The following GPSM1 variants were observed in gnomAD, a reference collection of about 807,000 sequenced individuals.
GPSM1 encodes the protein G protein-signaling modulator 1.
In GPSM1, 48 loss-of-function variants were observed where a neutral mutation model predicts 70.5. The ratio of observed to expected loss-of-function variants is 0.68; its 90% CI spans 0.54 to 0.87. The LOEUF (loss-of-function observed/expected upper bound fraction) is 0.87, where lower values mean the gene tolerates loss of function less well. Among genes scored for constraint, GPSM1 ranks in the 40% least tolerant of loss-of-function variants. GPSM1 has a pLI of 0.00. For missense variants in GPSM1, 981 were observed against 972.6 expected, an observed-to-expected ratio of 1.01 and a Z score of -0.11; for synonymous variants, 416 against 430.1, an observed-to-expected ratio of 0.97 and a Z score of 0.41.
chr9:136,356,194 G>A (rs577162123), intron 12 of GPSM1, 148 bp from the exon 13 acceptor site: 348 of 668,602 alleles, frequency 5.2e-4, no homozygotes, highest in Middle Eastern at 2.1e-3. Context: ...TGCCTAGGCC[G>A]GTCAGCGGAG....
Position 136,343,609 on chromosome 9 carries a change from C to T in GPSM1, c.1207+2616C>T, listed in dbSNP as rs1832446731. Among the ~76,000 whole-genome samples the T allele has an allele frequency of 6.6e-6, 1 of 152,236 alleles. No individual in the cohort carries two copies. Among genetic ancestry groups the T allele is most frequent in the Admixed American group, 6.5e-5 (1 of 15,292 alleles). On this transcript the variant is annotated intron_variant, in intron 9 of 13. Coordinates refer to ENST00000440944, the MANE Select transcript of GPSM1 (RefSeq NM_001145638.3). The surrounding 1 kb of genome is among the most constrained non-coding windows in gnomAD (Gnocchi z 6.0). ...TCAGGGATGTGCATGGCATAACCTC[C>T]CCTGCAGTTTAGGCTGTGGGCTCCA...
chr9:136,351,190 GCCTACCTTCCCCTCATT>G (rs1466611050), intron 11 of GPSM1, among the ~76,000 whole-genome samples: 1 of 152,212 alleles, frequency 6.6e-6, no homozygotes, highest in African/African-American at 2.4e-5. Flanking sequence ...GCAGGGCACA[GCCTACCTTCCCCTCATT>G]CAGCCCCAGC....
chr9:136,332,719 G>A (rs1554768660), intron 1 of GPSM1, among the ~76,000 whole-genome samples: 1 of 152,060 alleles, frequency 6.6e-6, no homozygotes, highest in Admixed American at 6.5e-5. Flanking sequence ...GGATGGGTGA[G>A]GTGGCTGTGA....
At position 136,349,600 on chromosome 9, in the gene GPSM1, A is replaced by G; in HGVS notation, c.1292A>G (p.Asp431Gly). ...RLPLEREQNG[D>G]SHHSGDWRGP... Reference sequence around the variant, plus strand: ...ACCCCTCCCCAGGAGCAGAATGGAGACAGCCACCATTCAGGGGACTGGCGG... The same window carrying G: ...ACCCCTCCCCAGGAGCAGAATGGAGGCAGCCACCATTCAGGGGACTGGCGG... The change falls in exon 11 of 14, where the codon GAC (aspartate) becomes GGC (glycine). Residue 431 changes from aspartate (D) to glycine (G), a missense_variant. Transcript: ENST00000440944. The G allele has an allele frequency of 6.5e-7, 1 of 1,550,020 alleles. No homozygotes were observed. Among genetic ancestry groups the G allele is most frequent in the Non-Finnish European group, 8.7e-7 (1 of 1,146,594 alleles).
At chr9:136,336,857 C>T in intron 3 of GPSM1, 64 bp from the exon 4 acceptor site, 1 of 1,467,702 alleles carries the variant, frequency 6.8e-7, no homozygotes, top group Non-Finnish European at 9.2e-7. Context: ...CACCGGTGTG[C>T]CGGCTCTGCA....
At chr9:136,330,435 C>T (rs1276328631) in intron 1 of GPSM1, among the ~76,000 whole-genome samples, 15 of 152,296 alleles carry the variant, frequency 9.8e-5, no homozygotes, top group African/African-American at 2.6e-4. Context: ...TGGGCAGCGA[C>T]GGGCCCTAGG....
Position 136,347,225 on chromosome 9 carries a change from G to A in GPSM1, c.1208-1472G>A, listed in dbSNP as rs532618398. On this transcript the variant is annotated intron_variant, in intron 9 of 13. Coordinates refer to ENST00000440944, the MANE Select transcript of GPSM1 (RefSeq NM_001145638.3). ...TGAGGAGGGCGCTGAGCTCCGAGGC[G>A]TAGTAATGGGGCCAAGTCTGATGGT... is the stretch of plus-strand genomic sequence containing the variant. 2.2e-3 allele frequency among the ~76,000 whole-genome samples: 336 copies of A among 152,310 alleles called. 1 individual carries two copies. The highest frequency in any genetic ancestry group is 7.3e-3 in the African/African-American group (303 of 41,572).
intron 1 of GPSM1, among the ~76,000 whole-genome samples, chr9:136,333,120 C>G (rs1459268320): frequency 2.0e-5 from 3 of 152,244 alleles, no homozygotes; most frequent in Non-Finnish European, 2.9e-5. Context: ...ACCCTTCCCC[C>G]ACTTCTCTGA....
chr9:136,358,731 C>T lies in GPSM1; in HGVS notation c.*511C>T, dbSNP rs188702742. 55 of 181,688 alleles carry T rather than the reference C, an allele frequency of 3.0e-4. No homozygotes were observed. The East Asian group carries it at 6.5e-3, about 21-fold the overall frequency. 11.3% of individuals were successfully genotyped at this position (181,688 alleles called of 1,614,324 possible). On this transcript the variant is annotated 3_prime_UTR_variant, in exon 14 of 14. Coordinates refer to ENST00000440944, the MANE Select transcript of GPSM1 (RefSeq NM_001145638.3). ...GCAGGGCTCCCTCCAAGCCTGTCTCCCCACTCCCCGGCCAGAGGTCAGCAA... is the reference window on the plus strand; with the variant it reads ...GCAGGGCTCCCTCCAAGCCTGTCTCTCCACTCCCCGGCCAGAGGTCAGCAA...
At chr9:136,331,990 G>A (rs1273931540) in intron 1 of GPSM1, 3 of 398,562 alleles carry the variant, frequency 7.5e-6, no homozygotes, top group East Asian at 3.6e-5. Flanking sequence ...TGGGGGAGGA[G>A]GGCCTGGGGC....
chr9:136,354,553 G>T (rs2131415064), intron 11 of GPSM1, among the ~76,000 whole-genome samples: 1 of 152,388 alleles, frequency 6.6e-6, no homozygotes, highest in Middle Eastern at 3.4e-3. Flanking sequence ...AGATGGACAG[G>T]CTGGGGCCGG....
chr9:136,353,477 C>T (rs1832725910), intron 11 of GPSM1, among the ~76,000 whole-genome samples: 1 of 152,202 alleles, frequency 6.6e-6, no homozygotes, highest in Non-Finnish European at 1.5e-5. Flanking sequence ...TGAGGGGCTC[C>T]AGGAGCCCCA....
intron 3 of GPSM1, among the ~76,000 whole-genome samples, chr9:136,336,440 G>A (rs1053700509): frequency 4.8e-4 from 73 of 152,340 alleles, no homozygotes; most frequent in African/African-American, 1.7e-3. Context: ...TGCGGCAGTG[G>A]GAGGCCGATT....
intron 3 of GPSM1, among the ~76,000 whole-genome samples, chr9:136,336,564 G>T (rs1382432484): frequency 6.6e-5 from 10 of 152,192 alleles, no homozygotes; most frequent in Non-Finnish European, 1.2e-4. Context: ...ACCAAGGCTG[G>T]GGGGACGTGA....
intron 1 of GPSM1, 66 bp downstream of exon 1, chr9:136,327,829 G>T (rs1564337887): frequency 3.4e-6 from 2 of 593,716 alleles, no homozygotes; most frequent in Non-Finnish European, 4.7e-6. Context: ...TCGGGACGCG[G>T]GGGAGGCTGC....
intron 1 of GPSM1, among the ~76,000 whole-genome samples, chr9:136,332,678 C>T (rs1052548902): frequency 8.6e-5 from 13 of 151,946 alleles, no homozygotes; most frequent in Non-Finnish European, 1.3e-4. Context: ...CTCCTGTGAC[C>T]CACGTGGCAT....
In GPSM1 at chr9:136,355,963, G is replaced by A. The variant is rs1374909569; in HGVS notation, c.1612+117G>A. The A allele has an allele frequency of 5.9e-6, 5 of 844,582 alleles. No homozygotes were observed. In the East Asian group the frequency reaches 1.1e-4, roughly 18 times the overall value. The allele number at this position is 844,582 out of a possible 1,614,324, so 52.3% of individuals were successfully genotyped here. On this transcript the variant is annotated intron_variant, in intron 12 of 13. Coordinates refer to ENST00000440944, the MANE Select transcript of GPSM1 (RefSeq NM_001145638.3). ...GGGGCAGACCAGCAGGCCAGCTGCAGAGCACCCTGTCACTGAGGGCGCCCT... is the reference window on the plus strand; with the variant it reads ...GGGGCAGACCAGCAGGCCAGCTGCAAAGCACCCTGTCACTGAGGGCGCCCT...
chr9:136,337,313 A>G (rs1398131998), intron 4 of GPSM1, 128 bp from the exon 5 acceptor site: 1 of 1,412,558 alleles, frequency 7.1e-7, no homozygotes, highest in African/African-American at 1.4e-5. Context: ...CCTGGAGCCT[A>G]CCCTAGCCAC....
intron 11 of GPSM1, 58 bp downstream of exon 11, chr9:136,349,821 C>T (rs1832615062): frequency 1.4e-6 from 2 of 1,459,042 alleles, no homozygotes; most frequent in South Asian, 1.4e-5. Flanking sequence ...GCAACTGCGC[C>T]CCAACTCCAC....
Sources: allele counts gnomAD v4.1 joint callset (sites outside exome capture counted in the v4.1 genomes callset), GRCh38; gene constraint gnomAD v4.1.1; non-coding constraint Gnocchi (gnomAD v3.1); transcripts MANE v1.5; gene names NCBI Gene and HGNC (gene_info 2026-07-23, HGNC 2026-07-21).